AUTS2: variants seen among roughly 807,000 people sequenced by gnomAD.
AUTS2 encodes activator of transcription and developmental regulator AUTS2.
Under a neutral mutation model 112.4 loss-of-function variants are expected in AUTS2, and 17 were observed. The ratio of observed to expected loss-of-function variants is 0.15; its 90% CI spans 0.10 to 0.23. The LOEUF (loss-of-function observed/expected upper bound fraction) is 0.23, where lower values mean the gene tolerates loss of function less well. Ranked by LOEUF, AUTS2 falls within the 10% of genes least tolerant of loss-of-function variation. The pLI, the probability that AUTS2 is intolerant of heterozygous loss-of-function variation, is 1.00. For missense variants in AUTS2, 1,510 were observed against 1,701.6 expected (o/e 0.89, Z 1.98); for synonymous variants, 751 against 702.7 (o/e 1.07, Z -1.09).
At chr7:70,112,240 G>T (rs1805124367) in intron 2 of AUTS2, among the ~76,000 whole-genome samples, 1 of 151,726 alleles carries the variant, frequency 6.6e-6, no homozygotes, top group Non-Finnish European at 1.5e-5. Flanking sequence ...GTTGTTAATT[G>T]TAGACAGACT....
At chr7:70,011,869 G>A (rs1221460061) in intron 2 of AUTS2, among the ~76,000 whole-genome samples, 1 of 152,120 alleles carries the variant, frequency 6.6e-6, no homozygotes, top group Non-Finnish European at 1.5e-5. Context: ...GGGGCTAGAC[G>A]AAGTTTCCCT....
chr7:70,477,392 A>G (rs879522155), intron 5 of AUTS2, among the ~76,000 whole-genome samples: 7 of 152,186 alleles, frequency 4.6e-5, no homozygotes, highest in Admixed American at 2.0e-4. Context: ...TTCTATGAAG[A>G]GGAAGGCACA....
intron 5 of AUTS2, among the ~76,000 whole-genome samples, chr7:70,460,075 A>G (rs1195001151): frequency 2.0e-5 from 3 of 152,136 alleles, no homozygotes; most frequent in Admixed American, 6.5e-5. Context: ...ATCACTTTCC[A>G]TACCGTATAG....
intron 5 of AUTS2, among the ~76,000 whole-genome samples, chr7:70,458,868 G>C (rs1364069933): frequency 6.6e-6 from 1 of 152,174 alleles, no homozygotes; most frequent in East Asian, 1.9e-4. Context: ...GACCACTGAG[G>C]GGGAATAGCA....
At chr7:70,758,448 T>A (rs2129556329) in intron 6 of AUTS2, among the ~76,000 whole-genome samples, 1 of 152,326 alleles carries the variant, frequency 6.6e-6, no homozygotes, top group East Asian at 1.9e-4. Flanking sequence ...GTATCAAACC[T>A]ATATCAAAAT....
At chr7:70,078,543 C>G (rs879795457) in intron 2 of AUTS2, among the ~76,000 whole-genome samples, 1 of 152,162 alleles carries the variant, frequency 6.6e-6, no homozygotes, top group African/African-American at 2.4e-5. Context: ...TTTTCTTTCT[C>G]TTTTGTACCT....
intron 4 of AUTS2, among the ~76,000 whole-genome samples, chr7:70,225,113 A>G (rs1811696730): frequency 1.3e-5 from 2 of 152,226 alleles, no homozygotes; most frequent in Admixed American, 1.3e-4. Flanking sequence ...CAGTTTAAGA[A>G]GCTTATTTCA....
chr7:69,935,234 G>A (rs1301891024), intron 2 of AUTS2, among the ~76,000 whole-genome samples: 1 of 152,180 alleles, frequency 6.6e-6, no homozygotes, highest in African/African-American at 2.4e-5. Context: ...TCTCATACGA[G>A]CTATGAAGGT....
intron 5 of AUTS2, among the ~76,000 whole-genome samples, chr7:70,506,755 G>A (rs904894890): frequency 3.3e-5 from 5 of 152,220 alleles, no homozygotes; most frequent in South Asian, 4.1e-4. Flanking sequence ...AAATGTAAGC[G>A]TCTAACAGGC....
At chr7:70,368,712 T>G (rs1236148221) in intron 4 of AUTS2, among the ~76,000 whole-genome samples, 1 of 152,032 alleles carries the variant, frequency 6.6e-6, no homozygotes, top group Non-Finnish European at 1.5e-5. Flanking sequence ...GCCAAGAAAG[T>G]GCCTGGAATT....
At chr7:70,400,901 T>G (rs1433483371) in intron 4 of AUTS2, among the ~76,000 whole-genome samples, 2 of 152,016 alleles carry the variant, frequency 1.3e-5, no homozygotes, top group Admixed American at 6.6e-5. Context: ...CACGCCAAAG[T>G]TGAGAAACCA....
At chr7:70,248,463 A>T (rs1014481629) in intron 4 of AUTS2, among the ~76,000 whole-genome samples, 6 of 152,124 alleles carry the variant, frequency 3.9e-5, no homozygotes, top group Non-Finnish European at 8.8e-5. Flanking sequence ...TAGGTACTAT[A>T]TAGATTGATT....
intron 1 of AUTS2, among the ~76,000 whole-genome samples, chr7:69,882,497 CATGAATGAG>C (rs1198348192): frequency 1.3e-5 from 2 of 152,164 alleles, no homozygotes; most frequent in Non-Finnish European, 2.9e-5. Context: ...GTTCTGTTCA[CATGAATGAG>C]AACATGAATG....
chr7:70,000,699 G>T (rs1281033541), intron 2 of AUTS2, among the ~76,000 whole-genome samples: 2 of 152,228 alleles, frequency 1.3e-5, no homozygotes, highest in East Asian at 3.9e-4. Context: ...CAAAAACAGA[G>T]ATCAAAATAA....
chr7:69,752,248 T>TAG (rs2129270059), intron 1 of AUTS2, among the ~76,000 whole-genome samples: 1 of 152,346 alleles, frequency 6.6e-6, no homozygotes, highest in Admixed American at 6.5e-5. Flanking sequence ...GAGGTGTTCT[T>TAG]TCTCCCAGTG....
chr7:69,847,414 A>G (rs1792254866), intron 1 of AUTS2, among the ~76,000 whole-genome samples: 1 of 152,124 alleles, frequency 6.6e-6, no homozygotes, highest in East Asian at 1.9e-4. Flanking sequence ...GATCATGGGG[A>G]AAACTTTGCA....
intron 6 of AUTS2, among the ~76,000 whole-genome samples, chr7:70,699,769 A>C (rs1385069248): frequency 6.6e-6 from 1 of 152,224 alleles, no homozygotes; most frequent in Non-Finnish European, 1.5e-5. Flanking sequence ...TGTGTTATCC[A>C]TAATGCTAAA....
At chr7:70,784,177 T>G (rs1791277188) in intron 15 of AUTS2, 1 of 152,230 alleles carries the variant, frequency 6.6e-6, no homozygotes, top group South Asian at 2.1e-4. Context: ...CATTGAAAGT[T>G]GAGAGACATC....
At chr7:70,607,610 C>T (rs1038177112) in intron 5 of AUTS2, among the ~76,000 whole-genome samples, 1 of 152,192 alleles carries the variant, frequency 6.6e-6, no homozygotes, top group Non-Finnish European at 1.5e-5. Context: ...GTGCAATGCC[C>T]ATGCCATTTC....
Sources: allele counts gnomAD v4.1 joint callset (sites outside exome capture counted in the v4.1 genomes callset), GRCh38; gene constraint gnomAD v4.1.1; transcripts MANE v1.5; gene names NCBI Gene and HGNC (gene_info 2026-07-23, HGNC 2026-07-21).